The following OSBPL3 variants were observed in gnomAD, a reference collection of about 807,000 sequenced individuals.
OSBPL3 encodes the protein oxysterol binding protein like 3.
A neutral mutation model predicts 120.1 loss-of-function variants in OSBPL3; 65 were observed. The ratio of observed to expected loss-of-function variants is 0.54; its 90% CI spans 0.44 to 0.67. OSBPL3 has a LOEUF of 0.67. OSBPL3 is among the 30% of genes least tolerant of loss of function. The pLI is 0.00. For missense variants in OSBPL3, 1,004 were observed against 1,082.1 expected, an observed-to-expected ratio of 0.93 and a Z score of 1.01; for synonymous variants, 416 against 402.6, an observed-to-expected ratio of 1.03 and a Z score of -0.40.
chr7:24,953,814 C>T lies in OSBPL3; in HGVS notation c.-150+26072G>A, dbSNP rs1814729422. 6.6e-6 allele frequency among the ~76,000 whole-genome samples: 1 copy of T among 152,160 alleles called. No homozygotes were observed. The highest frequency in any genetic ancestry group is 1.9e-4 in the East Asian group (1 of 5,198). On this transcript the variant is annotated intron_variant, in intron 1 of 22. Coordinates refer to ENST00000313367, the MANE Select transcript of OSBPL3 (RefSeq NM_015550.4). The surrounding 1 kb of genome is among the most constrained non-coding windows in gnomAD (Gnocchi z 4.3). ...GCCTGACTCTCCATTAAATGTTCAACGGCATGAACTAGAAGCAGGCAGCAT... is the reference window on the plus strand; with the variant it reads ...GCCTGACTCTCCATTAAATGTTCAATGGCATGAACTAGAAGCAGGCAGCAT...
At chr7:24,884,093 A>C (rs1804115582) in intron 2 of OSBPL3, among the ~76,000 whole-genome samples, 1 of 53,566 alleles carries the variant, frequency 1.9e-5, no homozygotes, top group African/African-American at 1.2e-4. Context: ...AGCAACAACA[A>C]AAAAAAACAG....
At chr7:24,902,914 C>T (rs1807276756) in intron 1 of OSBPL3, among the ~76,000 whole-genome samples, 1 of 152,016 alleles carries the variant, frequency 6.6e-6, no homozygotes, top group South Asian at 2.1e-4. Flanking sequence ...GCTTGGCTTC[C>T]CTCTATTGTC....
chr7:24,820,201 T>A lies in OSBPL3; in HGVS notation c.1922A>T (p.Glu641Val). 6.2e-7 allele frequency: 1 copy of A among 1,612,616 alleles called. No individual in the cohort carries two copies. The highest frequency in any genetic ancestry group is 8.5e-7 in the Non-Finnish European group (1 of 1,178,994). ...HHPPISACHA[E>V]SRNFVFWQDV... ...TTGCCAGAAAACAAAATTTCTAGAC[T>A]CAGCATGACACGCAGAGATAGGCGG... The change falls in exon 17 of 23, where the codon GAG becomes GTG. Residue 641 changes from glutamate (E) to valine (V), a missense_variant. Around this residue, in one of 4 missense-constraint regions of OSBPL3, gnomAD observed 473 missense variants for 568.0 expected, o/e 0.83. Coordinates refer to ENST00000313367, the MANE Select transcript of OSBPL3 (RefSeq NM_015550.4). The surrounding 1 kb of genome is among the most constrained non-coding windows in gnomAD (Gnocchi z 4.6).
At chr7:24,975,494 ATACTC>A (rs1288127716) in intron 1 of OSBPL3, among the ~76,000 whole-genome samples, 1 of 152,236 alleles carries the variant, frequency 6.6e-6, no homozygotes, top group South Asian at 2.1e-4. Context: ...TTTTCACAGA[ATACTC>A]TAACAAAATT....
Position 24,827,949 on chromosome 7 carries a change from T to G in OSBPL3, c.1884+2819A>C, listed in dbSNP as rs1795895291. 6.6e-6 allele frequency among the ~76,000 whole-genome samples: 1 copy of G among 152,222 alleles called. No individual in the cohort carries two copies. The highest frequency in any genetic ancestry group is 2.1e-4 in the South Asian group (1 of 4,830). ...AACATAAGAAAGTATATATTATAGA[T>G]ATATGCCTTTCTAGTTTTCTTTCAT... On this transcript the variant is annotated intron_variant, in intron 16 of 22. Transcript: ENST00000313367. The surrounding 1 kb of genome is among the most constrained non-coding windows in gnomAD (Gnocchi z 5.1).
chr7:24,811,577 C>G (rs1051628159), intron 19 of OSBPL3, among the ~76,000 whole-genome samples: 4 of 152,238 alleles, frequency 2.6e-5, no homozygotes, highest in Admixed American at 2.0e-4. Flanking sequence ...TAATAACTGC[C>G]CTGACCAACG....
At chr7:24,845,097 G>T (rs943824976) in intron 12 of OSBPL3, among the ~76,000 whole-genome samples, 5 of 151,862 alleles carry the variant, frequency 3.3e-5, no homozygotes, top group African/African-American at 1.2e-4. Context: ...ATTTTTCAAA[G>T]AATTATTAAT....
intron 20 of OSBPL3, among the ~76,000 whole-genome samples, chr7:24,807,904 CT>C (rs946945427): frequency 9.3e-5 from 14 of 151,038 alleles, no homozygotes; most frequent in Middle Eastern, 6.8e-3. Flanking sequence ...CAGACCCCCC[CT>C]TTTTTTTTAT....
chr7:24,842,867 C>T (rs1797953714), intron 12 of OSBPL3, among the ~76,000 whole-genome samples: 2 of 152,212 alleles, frequency 1.3e-5, no homozygotes, highest in South Asian at 2.1e-4. Flanking sequence ...GAACAATATG[C>T]TGCTTTTGAG....
chr7:24,919,958 A>G (rs948426451), intron 1 of OSBPL3, among the ~76,000 whole-genome samples: 1 of 152,094 alleles, frequency 6.6e-6, no homozygotes, highest in Admixed American at 6.6e-5. Context: ...AACCACAATG[A>G]TGTACCACTA....
In OSBPL3 at chr7:24,952,454, G is replaced by GT. The variant is rs1814554836; in HGVS notation, c.-150+27431dup. 6.6e-6 allele frequency among the ~76,000 whole-genome samples: 1 copy of GT among 152,078 alleles called. No individual in the cohort carries two copies. The highest frequency in any genetic ancestry group is 1.5e-5 in the Non-Finnish European group (1 of 68,022). ...ACCGAAACCTCAGAAACCTCAGAAG[G>GT]TATGGTCTAATCTAACATGTCTAAA... On this transcript the variant is annotated intron_variant, in intron 1 of 22. Transcript: ENST00000313367. This position sits in a 1 kb window ranked among gnomAD's most constrained non-coding sequence, Gnocchi z 4.4.
chr7:24,927,199 A>C (rs930182684), intron 1 of OSBPL3, among the ~76,000 whole-genome samples: 1 of 152,242 alleles, frequency 6.6e-6, no homozygotes, highest in African/African-American at 2.4e-5. Context: ...TCTGAAAGAA[A>C]ACCCAAAAGA....
intron 2 of OSBPL3, among the ~76,000 whole-genome samples, chr7:24,890,115 A>G (rs1335638079): frequency 6.6e-6 from 1 of 152,228 alleles, no homozygotes; most frequent in Non-Finnish European, 1.5e-5. Flanking sequence ...AACTAGCACT[A>G]AGAAAAATGA....
Position 24,834,589 on chromosome 7 carries a change from T to A in OSBPL3, c.1643A>T (p.Glu548Val). 6.2e-7 allele frequency: 1 copy of A among 1,614,120 alleles called. No homozygotes were observed. Among genetic ancestry groups the A allele is most frequent in the African/African-American group, 1.3e-5 (1 of 75,002 alleles). The change falls in exon 15 of 23, where the codon GAG (glutamate) becomes GTG (valine). Residue 548 changes from glutamate to valine, a missense_variant. Glu to Val is a moderately radical substitution (Grantham distance 121). Around this residue, in one of 4 missense-constraint regions of OSBPL3, gnomAD observed 473 missense variants for 568.0 expected, o/e 0.83. Coordinates refer to ENST00000313367, the MANE Select transcript of OSBPL3 (RefSeq NM_015550.4). This position sits in a 1 kb window ranked among gnomAD's most constrained non-coding sequence, Gnocchi z 5.2. ...CAGCGTGTTCAGGGGCTCGTTCAGCTCCACCGGCATGGCCACCTTGGACAG... is the reference window on the plus strand; with the variant it reads ...CAGCGTGTTCAGGGGCTCGTTCAGCACCACCGGCATGGCCACCTTGGACAG... The part of the protein sequence containing the change: ...KDLSKVAMPV[E>V]LNEPLNTLQR...
chr7:24,962,427 A>AGAGGGGAGAG (rs1815880686), intron 1 of OSBPL3, among the ~76,000 whole-genome samples: 1 of 53,494 alleles, frequency 1.9e-5, no homozygotes, highest in Non-Finnish European at 3.5e-5. Context: ...AGGGGAGGGG[A>AGAGGGGAGAG]GAGGAGAGAG....
chr7:24,879,761 A>G lies in OSBPL3; in HGVS notation c.97-7692T>C, dbSNP rs1803386590. 6.6e-6 allele frequency among the ~76,000 whole-genome samples: 1 copy of G among 152,212 alleles called. No homozygotes were observed. Among genetic ancestry groups the G allele is most frequent in the South Asian group, 2.1e-4 (1 of 4,832 alleles). On this transcript the variant is annotated intron_variant, in intron 2 of 22. Transcript: ENST00000313367. This position sits in a 1 kb window ranked among gnomAD's most constrained non-coding sequence, Gnocchi z 5.6. ...TTCCAACTGTATTGACCACAGACGGATTTATAATTAAAATAGCATTAATAA... is the reference window on the plus strand; with the variant it reads ...TTCCAACTGTATTGACCACAGACGGGTTTATAATTAAAATAGCATTAATAA...
intron 14 of OSBPL3, 48 bp downstream of exon 14, chr7:24,840,642 T>G: frequency 1.3e-6 from 1 of 768,470 alleles, no homozygotes; most frequent in East Asian, 2.7e-5. Context: ...CTTATTAGTA[T>G]TGTATGAAAA....
chr7:24,813,231 A>G lies in OSBPL3; in HGVS notation c.2172+1828T>C, dbSNP rs1406186326. 6.6e-6 allele frequency among the ~76,000 whole-genome samples: 1 copy of G among 152,192 alleles called. No homozygotes were observed. The highest frequency in any genetic ancestry group is 1.9e-4 in the East Asian group (1 of 5,200). ...AGATTTTCCCTTAGAGATATCTGCC[A>G]ACAAATCCAGTGCTGAGAATTTGCT... On this transcript the variant is annotated intron_variant, in intron 19 of 22. Transcript: ENST00000313367. This position sits in a 1 kb window ranked among gnomAD's most constrained non-coding sequence, Gnocchi z 4.5.
At position 24,852,263 on chromosome 7, in the gene OSBPL3, T is replaced by G. The variant is rs1004419959; in HGVS notation, c.1158+241A>C. ...AAAAATGTTAGAGAAACAAAAAAATTAAGATCAGTCAGAGGAAACCAAACT... is the reference window on the plus strand; with the variant it reads ...AAAAATGTTAGAGAAACAAAAAAATGAAGATCAGTCAGAGGAAACCAAACT... On this transcript the variant is annotated intron_variant, in intron 11 of 22. Transcript: ENST00000313367. This position sits in a 1 kb window ranked among gnomAD's most constrained non-coding sequence, Gnocchi z 4.1. Among the ~76,000 whole-genome samples the G allele has an allele frequency of 6.6e-6, 1 of 152,092 alleles. No individual in the cohort carries two copies. Among genetic ancestry groups the G allele is most frequent in the Non-Finnish European group, 1.5e-5 (1 of 68,010 alleles).
Sources: gnomAD v4.1 joint callset for allele counts (sites outside exome capture counted in the v4.1 genomes callset) on GRCh38, gnomAD v4.1.1 for gene constraint, gnomAD v4.1.1 regional missense constraint, Gnocchi (gnomAD v3.1) non-coding constraint, MANE v1.5 for transcripts, NCBI Gene and HGNC (gene_info 2026-07-23, HGNC 2026-07-21) for gene names.